The following HCN2 variants were observed in gnomAD, a reference collection of about 807,000 sequenced individuals.
The protein encoded by HCN2 is potassium/sodium hyperpolarization-activated cyclic nucleotide-gated channel 2.
In HCN2, 20 loss-of-function variants were observed where a neutral mutation model predicts 52.3. The ratio of observed to expected loss-of-function variants is 0.38; its 90% confidence interval spans 0.27 to 0.56. The LOEUF (loss-of-function observed/expected upper bound fraction) is 0.56, where lower values mean the gene tolerates loss of function less well. Among genes scored for constraint, HCN2 ranks in the 20% least tolerant of loss-of-function variants. The pLI is 0.71. For missense variants in HCN2, 981 were observed against 1,207.7 expected (o/e 0.81, Z 2.78); for synonymous variants, 694 against 537.0 (o/e 1.29, Z -4.04).
chr19:601,732 C>T (rs946522418), intron 1 of HCN2, among the ~76,000 whole-genome samples: 4 of 147,788 alleles, frequency 2.7e-5, no homozygotes, highest in South Asian at 2.4e-4. Flanking sequence ...TTCATTTTCT[C>T]GATAGCGAAA....
In HCN2 at chr19:590,230, G is replaced by C; in HGVS notation, c.285G>C (p.Lys95Asn). The C allele has an allele frequency of 1.0e-6, 1 of 989,372 alleles. No individual in the cohort carries two copies. The highest frequency in any genetic ancestry group is 1.2e-6 in the Non-Finnish European group (1 of 834,258). The allele number at this position is 989,372 out of a possible 1,614,324, so 61.3% of individuals were successfully genotyped here. Residue 95 changes from lysine to asparagine, a missense_variant, in exon 1 of 8, where the codon AAG becomes AAC. Transcript: ENST00000251287. The surrounding 1 kb of genome is among the most constrained non-coding windows in gnomAD (Gnocchi z 7.2). ...CCCCGGGCGCGGCGAGCACGGCCAA[G>C]GGCAGCCCGAACGGCGAGTGCGGGC... ...PGTPGAASTA[K>N]GSPNGECGRG...
chr19:610,509 C>G, intron 5 of HCN2, 104 bp downstream of exon 5: 1 of 1,027,176 alleles, frequency 9.7e-7, no homozygotes. Flanking sequence ...GGTGCCTAGG[C>G]TGCAGCAGGA....
intron 5 of HCN2, 102 bp from the exon 6 acceptor site, chr19:613,146 C>T (rs1174362072): frequency 2.1e-6 from 3 of 1,429,310 alleles, no homozygotes; most frequent in Non-Finnish European, 2.8e-6. Context: ...GTCTCTCAGA[C>T]GAGGAAACTG....
intron 7 of HCN2, 145 bp from the exon 8 acceptor site, chr19:615,650 C>A: frequency 1.4e-6 from 1 of 717,290 alleles, no homozygotes; most frequent in Non-Finnish European, 2.4e-6. Flanking sequence ...TACATATGTG[C>A]TTATTGTATA....
rs1488088326 is a variant in HCN2 at position 613,361 on chromosome 19, G to A, written c.1698G>A (p.Gln566=). ...MLTKLKFEVF[Q]PGDYIIREGT... ...CCAAGCTCAAGTTCGAGGTCTTCCA[G>A]CCGGGTGACTACATCATCCGCGAAG... The change falls in exon 6 of 8, where the codon CAG becomes CAA. Residue 566 remains glutamine (Q), a synonymous_variant. Transcript: ENST00000251287. The A allele has an allele frequency of 3.7e-6, 6 of 1,613,090 alleles. No individual in the cohort carries two copies. In the East Asian group the frequency reaches 6.7e-5, roughly 18 times the overall value.
At position 615,972 on chromosome 19, in the gene HCN2, T is replaced by C. The variant is rs1297172577; in HGVS notation, c.2168T>C (p.Val723Ala). Residue 723 changes from valine to alanine, a missense_variant, in exon 8 of 8, where the codon GTC becomes GCC. Transcript: ENST00000251287. ...LFPPPPPPPQVTSAIATLQQA... is the reference protein window; with the variant it reads ...LFPPPPPPPQATSAIATLQQA... ...CCGCCGCCGCCGCCGCCGCCGCAGG[T>C]CACCTCGGCCATCGCCACGCTGCAG... 6.3e-7 allele frequency: 1 copy of C among 1,599,084 alleles called. No individual in the cohort carries two copies. The highest frequency in any genetic ancestry group is 8.5e-7 in the Non-Finnish European group (1 of 1,175,654).
At chr19:607,205 G>C (rs754537379) in intron 3 of HCN2, among the ~76,000 whole-genome samples, 3 of 152,250 alleles carry the variant, frequency 2.0e-5, no homozygotes, top group Non-Finnish European at 2.9e-5. Flanking sequence ...TTAGGTCCCA[G>C]ATACTCCTTG....
rs139468539 is a variant in HCN2 at position 611,088 on chromosome 19, ACCCGGTTCCTCGTGGC to A, written c.1584+685_1584+700del. Among the ~76,000 whole-genome samples the A allele has an allele frequency of 9.5e-3, 1,445 of 152,034 alleles. 25 individuals are homozygous for A. Among genetic ancestry groups the A allele is most frequent in the African/African-American group, 0.033 (1,360 of 41,452 alleles). On this transcript the variant is annotated intron_variant, in intron 5 of 7. Coordinates refer to ENST00000251287, the MANE Select transcript of HCN2 (RefSeq NM_001194.4). Reference sequence around the variant, plus strand: ...TTCATCCGTCGTTGGATCAGGGCCCACCCGGTTCCTCGTGGCCTCGCCTTAACTGGGCCATGTCTGC... The same window carrying A: ...TTCATCCGTCGTTGGATCAGGGCCCACTCGCCTTAACTGGGCCATGTCTGC...
In HCN2 at chr19:603,537, C is replaced by A; in HGVS notation, c.633-7C>A. On this transcript the variant is annotated splice_polypyrimidine_tract_variant and splice_region_variant and intron_variant, in intron 1 of 7. Transcript: ENST00000251287. ...CCGGCCTGAGGTGTGGGCACCCTCG[C>A]CCCCAGGTTCTACTGGGACTTCACC... 1 of 1,597,648 alleles carries A rather than the reference C, an allele frequency of 6.3e-7. No homozygotes were observed. The highest frequency in any genetic ancestry group is 8.6e-7 in the Non-Finnish European group (1 of 1,169,452).
chr19:601,412 TCGTGTTCCATGGTGGACGGGTCGCGC>T (rs1451882210), intron 1 of HCN2, among the ~76,000 whole-genome samples: 6 of 152,130 alleles, frequency 3.9e-5, no homozygotes, highest in African/African-American at 1.4e-4. Flanking sequence ...CGTGGCTGAG[TCGTGTTCCATGGTGGACGGGTCGCGC>T]CGTGTTTGTC....
At chr19:614,810 C>T (rs1220117622) in intron 7 of HCN2, among the ~76,000 whole-genome samples, 1 of 151,722 alleles carries the variant, frequency 6.6e-6, no homozygotes, top group Non-Finnish European at 1.5e-5. Flanking sequence ...CCTGGCCTCT[C>T]AGGGGGGCAG....
rs879455146 is a variant in HCN2 at position 592,357 on chromosome 19, C to T, written c.632+1780C>T. ...GACCCCCTGGCTGCAGAGGGGCGGT[C>T]GGTGGCCTGGGGGGCAGGTGGGCAG... On this transcript the variant is annotated intron_variant, in intron 1 of 7. Coordinates refer to ENST00000251287, the MANE Select transcript of HCN2 (RefSeq NM_001194.4). This position sits in a 1 kb window ranked among gnomAD's most constrained non-coding sequence, Gnocchi z 4.8. Among the ~76,000 whole-genome samples the T allele has an allele frequency of 1.5e-4, 23 of 152,174 alleles. 1 individual carries two copies. Among genetic ancestry groups the T allele is most frequent in the Admixed American group, 1.4e-3 (22 of 15,290 alleles).
intron 2 of HCN2, among the ~76,000 whole-genome samples, chr19:604,270 T>G (rs1337957918): frequency 1.2e-4 from 6 of 50,466 alleles, no homozygotes; most frequent in African/African-American, 5.6e-4. Context: ...ATGGGAGATC[T>G]GGGTGGGGTC....
chr19:613,667 ATGGGGATGGGG>A (rs1983760285), intron 6 of HCN2, among the ~76,000 whole-genome samples, 174 bp from the exon 7 acceptor site: 3 of 8,946 alleles, frequency 3.4e-4, no homozygotes, highest in African/African-American at 6.0e-4. Context: ...GGGGCCGGGG[ATGGGGATGGGG>A]CCGGGGATGG....
At chr19:600,625 G>A (rs569375921) in intron 1 of HCN2, among the ~76,000 whole-genome samples, 9 of 152,000 alleles carry the variant, frequency 5.9e-5, no homozygotes, top group East Asian at 1.9e-4. Flanking sequence ...GATTACAGAC[G>A]TGAGCCACCA....
Position 590,076 on chromosome 19 carries a change from CCCCGGG to C in HCN2, c.135_140del (p.Gly48_Pro49del). On this transcript the variant is annotated inframe_deletion, in exon 1 of 8. Transcript: ENST00000251287. The surrounding 1 kb of genome is among the most constrained non-coding windows in gnomAD (Gnocchi z 7.2). ...CCGCCGCCGCCGCCGCCCGCGCCCC[CCCCGGG>C]CCCCGGGCCCGCGCCCCCCCAGCAC... 2 of 574,708 alleles carry C rather than the reference CCCCGGG, an allele frequency of 3.5e-6. No homozygotes were observed. The highest frequency in any genetic ancestry group is 4.3e-6 in the Non-Finnish European group (2 of 462,446). 35.6% of individuals were successfully genotyped at this position (574,708 alleles called of 1,614,324 possible).
In HCN2 at chr19:590,413, C is replaced by A; in HGVS notation, c.468C>A (p.Arg156=). 7.3e-7 allele frequency: 1 copy of A among 1,373,726 alleles called. No individual in the cohort carries two copies. Among genetic ancestry groups the A allele is most frequent in the Non-Finnish European group, 9.5e-7 (1 of 1,050,010 alleles). 85.1% of individuals were successfully genotyped at this position (1,373,726 alleles called of 1,614,324 possible). Residue 156 remains arginine, a synonymous_variant, in exon 1 of 8, where the codon CGC becomes CGA. Coordinates refer to ENST00000251287, the MANE Select transcript of HCN2 (RefSeq NM_001194.4). This position sits in a 1 kb window ranked among gnomAD's most constrained non-coding sequence, Gnocchi z 7.2. The stretch of plus-strand genomic sequence containing the variant: ...AGGCGGGCCCGGCGGGGGAGCCGCG[C>A]GGCAGCCAGGCCAGCTTCATGCAGC... ...SEEAGPAGEP[R]GSQASFMQRQ...
At position 592,330 on chromosome 19, in the gene HCN2, G is replaced by GC. The variant is rs1243792944; in HGVS notation, c.632+1754dup. On this transcript the variant is annotated intron_variant, in intron 1 of 7. Coordinates refer to ENST00000251287, the MANE Select transcript of HCN2 (RefSeq NM_001194.4). The surrounding 1 kb of genome is among the most constrained non-coding windows in gnomAD (Gnocchi z 4.8). ...CCACTCCCTCCCCTGGGCAGCTCCA[G>GC]CGACCCCCTGGCTGCAGAGGGGCGG... Among the ~76,000 whole-genome samples the GC allele has an allele frequency of 6.6e-6, 1 of 152,222 alleles. No homozygotes were observed. The highest frequency in any genetic ancestry group is 1.5e-5 in the Non-Finnish European group (1 of 68,020).
chr19:606,934 G>A (rs9284435), intron 3 of HCN2, among the ~76,000 whole-genome samples: 81,459 of 150,144 alleles, frequency 0.54, 24,344 homozygotes, highest in African/African-American at 0.8. Flanking sequence ...CACTTTGGGA[G>A]GCCGAGGTGG....
Sources: allele counts gnomAD v4.1 joint callset (sites outside exome capture counted in the v4.1 genomes callset), GRCh38; gene constraint gnomAD v4.1.1; non-coding constraint Gnocchi (gnomAD v3.1); transcripts MANE v1.5; gene names NCBI Gene and HGNC (gene_info 2026-07-23, HGNC 2026-07-21).